DOP1B: variants seen among roughly 807,000 people sequenced by gnomAD.
DOP1B encodes the protein protein DOP1B.
DOP1B carries 174 observed loss-of-function variants against 233.5 expected under a neutral mutation model. The observed-to-expected ratio is 0.75, with a 90% confidence interval of 0.66 to 0.85. The LOEUF (loss-of-function observed/expected upper bound fraction) is 0.85, where lower values mean the gene tolerates loss of function less well. Ranked by LOEUF, DOP1B falls within the 40% of genes least tolerant of loss-of-function variation. The probability of loss-of-function intolerance (pLI) is 0.00; values close to 1 mark genes in which losing one functional copy is unlikely to be tolerated. For missense variants in DOP1B, 2,652 were observed against 2,846.6 expected (o/e 0.93, Z 1.56); for synonymous variants, 1,190 against 1,185.6 (o/e 1.00, Z -0.08).
At chr21:36,263,364 A>G (rs1050627739) in intron 24 of DOP1B, among the ~76,000 whole-genome samples, 182 bp from the exon 25 acceptor site, 2 of 152,172 alleles carry the variant, frequency 1.3e-5, no homozygotes, top group African/African-American at 4.8e-5. Flanking sequence ...TCAAACTCCA[A>G]GTGTTTGCCA....
chr21:36,207,966 C>T (rs562136747), intron 4 of DOP1B, among the ~76,000 whole-genome samples: 2 of 152,178 alleles, frequency 1.3e-5, no homozygotes, highest in Non-Finnish European at 2.9e-5. Context: ...AGGGGAAAAA[C>T]GAGCCCTGAT....
chr21:36,289,084 G>A lies in DOP1B; in HGVS notation c.6393G>A (p.Pro2131=), dbSNP rs149374071. 1.5e-4 allele frequency: 249 copies of A among 1,612,942 alleles called. No individual in the cohort carries two copies. In the African/African-American group the frequency reaches 2.4e-3, roughly 16 times the overall value. The part of the protein sequence containing the change: ...NKVNRTKVSV[P]DANGPSVGEI... ...TAAACAGAACGAAAGTTTCAGTCCC[G>A]GATGCAAATGGACCCTCAGTGGGGG... Residue 2131 remains proline (P), a synonymous_variant, in exon 35 of 37, where the codon CCG becomes CCA. Coordinates refer to ENST00000691173, the MANE Select transcript of DOP1B (RefSeq NM_001320714.2).
chr21:36,252,058 T>C (rs1463153194), intron 22 of DOP1B, among the ~76,000 whole-genome samples: 1 of 151,792 alleles, frequency 6.6e-6, no homozygotes, highest in Non-Finnish European at 1.5e-5. Context: ...GCACCTATAG[T>C]CCCAGCTACT....
At chr21:36,257,129 A>G (rs920999041) in intron 23 of DOP1B, among the ~76,000 whole-genome samples, 3 of 152,150 alleles carry the variant, frequency 2.0e-5, no homozygotes, top group African/African-American at 7.2e-5. Flanking sequence ...CTGGTTTATT[A>G]TAAAGGCTAC....
chr21:36,214,924 G>A (rs1189220942), intron 9 of DOP1B, among the ~76,000 whole-genome samples: 2 of 152,098 alleles, frequency 1.3e-5, no homozygotes, highest in Non-Finnish European at 2.9e-5. Context: ...CTTCCCTGTA[G>A]TCCCAGCTAC....
intron 21 of DOP1B, 63 bp downstream of exon 21, chr21:36,248,631 A>AT (rs2066997196): frequency 6.7e-7 from 1 of 1,493,624 alleles, no homozygotes; most frequent in African/African-American, 1.4e-5. Flanking sequence ...CCCAAAATAA[A>AT]TGTGTATAGG....
intron 2 of DOP1B, among the ~76,000 whole-genome samples, chr21:36,173,110 AC>A (rs1035525206): frequency 1.3e-5 from 2 of 152,234 alleles, no homozygotes; most frequent in Non-Finnish European, 2.9e-5. Flanking sequence ...ACAGAGGAAG[AC>A]TCTGTCTCAA....
At chr21:36,251,935 T>C (rs1002715858) in intron 22 of DOP1B, among the ~76,000 whole-genome samples, 1 of 152,228 alleles carries the variant, frequency 6.6e-6, no homozygotes, top group African/African-American at 2.4e-5. Flanking sequence ...GCACAGTGGC[T>C]CACACCTATA....
At chr21:36,269,694 A>G (rs937266059) in intron 26 of DOP1B, among the ~76,000 whole-genome samples, 1 of 147,910 alleles carries the variant, frequency 6.8e-6, no homozygotes, top group African/African-American at 2.5e-5. Context: ...TAATTTTTGT[A>G]TTTTTTTTAG....
Position 36,227,871 on chromosome 21 carries a change from A to G in DOP1B, c.1659A>G (p.Gly553=). The part of the protein sequence containing the change: ...PSYLDTESTS[G]TSSPVKGENG... ...ACCTCGACACGGAGTCCACCAGCGGAACCTCGGTGTGTACTCTGAGGGGCA... is the reference window on the plus strand; with the variant it reads ...ACCTCGACACGGAGTCCACCAGCGGGACCTCGGTGTGTACTCTGAGGGGCA... Residue 553 remains glycine (G), a synonymous_variant, in exon 13 of 37, where the codon GGA becomes GGG. Transcript: ENST00000691173. The G allele has an allele frequency of 6.3e-7, 1 of 1,596,274 alleles. No homozygotes were observed. Among genetic ancestry groups the G allele is most frequent in the Non-Finnish European group, 8.6e-7 (1 of 1,168,016 alleles).
At chr21:36,279,646 C>A (rs184653863) in intron 30 of DOP1B, among the ~76,000 whole-genome samples, 128 of 152,234 alleles carry the variant, frequency 8.4e-4, no homozygotes, top group African/African-American at 2.9e-3. Context: ...TCTTCACTAT[C>A]CCACTCTTTT....
rs759492247 is a variant in DOP1B at position 36,227,826 on chromosome 21, A to G, written c.1614A>G (p.Lys538=). The change falls in exon 13 of 37, where the codon AAA becomes AAG. Residue 538 remains lysine, a synonymous_variant. Coordinates refer to ENST00000691173, the MANE Select transcript of DOP1B (RefSeq NM_001320714.2). The stretch of plus-strand genomic sequence containing the variant: ...AGACGTGTTTCAAGGTGCTCAGCAA[A>G]GTCCAGATGCCTCCTTCCTACCTCG... ...ALKTCFKVLS[K]VQMPPSYLDT... is the part of the protein sequence containing the mutation. 2 of 1,611,800 alleles carry G rather than the reference A, an allele frequency of 1.2e-6. No homozygotes were observed. Among genetic ancestry groups the G allele is most frequent in the Non-Finnish European group, 1.7e-6 (2 of 1,178,282 alleles).
At chr21:36,217,074 CAAA>C (rs11353414) in intron 9 of DOP1B, among the ~76,000 whole-genome samples, 52 of 99,986 alleles carry the variant, frequency 5.2e-4, no homozygotes, top group African/African-American at 1.6e-3. Flanking sequence ...GACTCCATCT[CAAA>C]AAAAAAAAAA....
intron 1 of DOP1B, among the ~76,000 whole-genome samples, chr21:36,163,355 AAAAAG>A (rs2065884255): frequency 6.6e-6 from 1 of 151,222 alleles, no homozygotes; most frequent in African/African-American, 2.4e-5. Context: ...AAAAAAAAAA[AAAAAG>A]AAAGAAAGAA....
intron 19 of DOP1B, among the ~76,000 whole-genome samples, 191 bp from the exon 20 acceptor site, chr21:36,247,326 A>T (rs2066978803): frequency 6.6e-6 from 1 of 152,240 alleles, no homozygotes; most frequent in Non-Finnish European, 1.5e-5. Flanking sequence ...CATTTTTCCA[A>T]AGTGACTATA....
chr21:36,222,892 T>C (rs932637961), intron 10 of DOP1B, among the ~76,000 whole-genome samples: 2 of 151,996 alleles, frequency 1.3e-5, no homozygotes, highest in Admixed American at 1.3e-4. Flanking sequence ...TCCGCCATCA[T>C]GCCCTGCTAA....
chr21:36,210,448 C>A (rs1430102070), intron 5 of DOP1B, among the ~76,000 whole-genome samples: 2 of 152,132 alleles, frequency 1.3e-5, no homozygotes, highest in African/African-American at 4.8e-5. Context: ...AGTTCAAGAC[C>A]ACCCTGGCCA....
intron 5 of DOP1B, among the ~76,000 whole-genome samples, chr21:36,211,000 C>T (rs1444312789): frequency 6.6e-6 from 1 of 152,200 alleles, no homozygotes; most frequent in African/African-American, 2.4e-5. Flanking sequence ...CCTTCTGTCC[C>T]CCTGGCTGTG....
chr21:36,207,511 T>G (rs1251878557), intron 4 of DOP1B, among the ~76,000 whole-genome samples: 4 of 149,372 alleles, frequency 2.7e-5, no homozygotes, highest in Non-Finnish European at 4.4e-5. Context: ...TTTTTTTTTT[T>G]TTTTTTTTGA....
Sources: gnomAD v4.1 joint callset for allele counts (sites outside exome capture counted in the v4.1 genomes callset) on GRCh38, gnomAD v4.1.1 for gene constraint, MANE v1.5 for transcripts, NCBI Gene and HGNC (gene_info 2026-07-23, HGNC 2026-07-21) for gene names.